Variants in ANK2 observed in about 807,000 individuals in gnomAD.
ANK2 encodes ankyrin 2, also known as ankyrin-2.
Under a neutral mutation model 360.5 loss-of-function variants are expected in ANK2, and 83 were observed. That is an observed-to-expected ratio of 0.23 (90% CI 0.19 to 0.28). The LOEUF is 0.28. Among genes scored for constraint, ANK2 ranks in the 10% least tolerant of loss-of-function variants. The pLI is 1.00. For synonymous variants in ANK2, 1,740 were observed against 1,759.5 expected, an observed-to-expected ratio of 0.99 and a Z score of 0.28; for missense variants, 4,201 against 4,795.7, an observed-to-expected ratio of 0.88 and a Z score of 3.66.
At chr4:112,871,856 T>A (rs972064033) in intron 1 of ANK2, among the ~76,000 whole-genome samples, 2 of 152,190 alleles carry the variant, frequency 1.3e-5, no homozygotes, top group African/African-American at 4.8e-5. Flanking sequence ...GAGATGATTA[T>A]GTAGTTTTTG....
At chr4:112,896,410 G>A (rs2150761930) in intron 1 of ANK2, among the ~76,000 whole-genome samples, 1 of 152,290 alleles carries the variant, frequency 6.6e-6, no homozygotes, top group South Asian at 2.1e-4. Context: ...ATTTAAGCAA[G>A]TAACAATTCT....
intron 1 of ANK2, among the ~76,000 whole-genome samples, chr4:112,888,101 A>G (rs2078927605): frequency 6.6e-6 from 1 of 152,070 alleles, no homozygotes; most frequent in Non-Finnish European, 1.5e-5. Flanking sequence ...GTTTTCCTTT[A>G]CTTGTTAATT....
intron 2 of ANK2, among the ~76,000 whole-genome samples, chr4:112,922,111 C>T (rs1296215232): frequency 6.6e-6 from 1 of 152,154 alleles, no homozygotes; most frequent in African/African-American, 2.4e-5. Flanking sequence ...TAGGTGTGCC[C>T]ACATACACCA....
chr4:112,760,774 C>T, the ANK2 span, among the ~76,000 whole-genome samples: 4 of 151,172 alleles, frequency 2.6e-5, no homozygotes, highest in Non-Finnish European at 5.9e-5. Flanking sequence ...ATCAAAAGTC[C>T]GTTAAGTGGT....
intron 21 of ANK2, 28 bp downstream of exon 21, chr4:113,292,542 A>G: frequency 1.9e-6 from 3 of 1,562,330 alleles, no homozygotes; most frequent in Non-Finnish European, 1.7e-6. Context: ...GCCCCTCACC[A>G]CGCTTTCTTC....
In ANK2 at chr4:113,355,322, G is replaced by C; in HGVS notation, c.6704G>C (p.Gly2235Ala). Residue 2235 changes from glycine to alanine, a missense_variant, in exon 38 of 46, where the codon GGC becomes GCC. By Grantham distance (60) the Gly-to-Ala change is moderately conservative. Around this residue, in one of 4 missense-constraint regions of ANK2, gnomAD observed 2,642 missense variants for 2,714.5 expected, o/e 0.97. Transcript: ENST00000357077. ...ISSEESYKHE[G>A]LAETPETSPE... is the part of the protein sequence containing the mutation. Reference sequence around the variant, plus strand: ...TCAGAAGAAAGCTATAAGCATGAAGGCCTAGCAGAGACCCCTGAGACGAGC... The same window carrying C: ...TCAGAAGAAAGCTATAAGCATGAAGCCCTAGCAGAGACCCCTGAGACGAGC... The C allele has an allele frequency of 1.2e-6, 2 of 1,613,996 alleles. No individual in the cohort carries two copies. The highest frequency in any genetic ancestry group is 1.7e-6 in the Non-Finnish European group (2 of 1,179,974).
chr4:113,212,429 G>C (rs1037925485), intron 4 of ANK2, among the ~76,000 whole-genome samples: 11 of 152,066 alleles, frequency 7.2e-5, no homozygotes, highest in African/African-American at 2.7e-4. Context: ...GTAATAATTG[G>C]AATCCTCTGG....
At chr4:112,836,790 G>T (rs2061081547) in intron 1 of ANK2, among the ~76,000 whole-genome samples, 1 of 152,202 alleles carries the variant, frequency 6.6e-6, no homozygotes, top group Non-Finnish European at 1.5e-5. Context: ...AACCATTCAA[G>T]AGGTGACCTG....
intron 2 of ANK2, among the ~76,000 whole-genome samples, chr4:113,000,720 G>C (rs552185868): frequency 6.6e-6 from 1 of 152,216 alleles, no homozygotes; most frequent in Non-Finnish European, 1.5e-5. Context: ...TGGTGAAAGA[G>C]TAGAGGCCAA....
intron 1 of ANK2, among the ~76,000 whole-genome samples, chr4:112,902,910 G>C (rs1031887189): frequency 6.6e-6 from 1 of 152,194 alleles, no homozygotes; most frequent in Non-Finnish European, 1.5e-5. Context: ...AGGACTGTGG[G>C]CATTGAACAG....
At chr4:113,236,228 T>C (rs2153554163) in intron 5 of ANK2, among the ~76,000 whole-genome samples, 1 of 152,290 alleles carries the variant, frequency 6.6e-6, no homozygotes, top group South Asian at 2.1e-4. Flanking sequence ...TTCTTGTTTC[T>C]AGAAAGAAAA....
At chr4:112,897,531 C>A (rs942865569) in intron 1 of ANK2, among the ~76,000 whole-genome samples, 2 of 150,850 alleles carry the variant, frequency 1.3e-5, no homozygotes, top group African/African-American at 5.0e-5. Context: ...AATTAGTTGG[C>A]CATTAAAATT....
chr4:112,723,986 A>AT, the ANK2 span, among the ~76,000 whole-genome samples: 4 of 152,118 alleles, frequency 2.6e-5, no homozygotes, highest in Non-Finnish European at 1.5e-5. Context: ...TCTGTTAGAC[A>AT]TGCTCTGTAT....
At chr4:113,346,260 C>T (rs776606174) in intron 35 of ANK2, among the ~76,000 whole-genome samples, 16 of 152,170 alleles carry the variant, frequency 1.1e-4, no homozygotes, top group Non-Finnish European at 1.5e-4. Flanking sequence ...ATGTTAAATG[C>T]ACTTTGATGC....
intron 20 of ANK2, among the ~76,000 whole-genome samples, chr4:113,291,101 A>G (rs1385632518): frequency 6.6e-6 from 1 of 152,190 alleles, no homozygotes; most frequent in Admixed American, 6.5e-5. Flanking sequence ...TTATAGTGAT[A>G]TATTATTTTA....
intron 2 of ANK2, among the ~76,000 whole-genome samples, chr4:113,001,356 AAACTTTATGCTTGACAATTAATAAAAAT>A (rs2050608488): frequency 6.6e-6 from 1 of 150,986 alleles, no homozygotes; most frequent in African/African-American, 2.4e-5. Context: ...AAAAAAGGTG[AAACTTTATGCTTGACAATTAATAAAAAT>A]AACTTTATCA....
At chr4:112,799,671 C>G in the ANK2 span, among the ~76,000 whole-genome samples, 15 of 151,910 alleles carry the variant, frequency 9.9e-5, no homozygotes, top group Admixed American at 5.3e-4. Flanking sequence ...CGCACACCAC[C>G]ATTTCTGGCT....
the ANK2 span, among the ~76,000 whole-genome samples, chr4:112,767,631 G>C: frequency 6.6e-6 from 1 of 151,884 alleles, no homozygotes; most frequent in East Asian, 1.9e-4. Context: ...CCCTAGGCCC[G>C]CTAGGCTTTG....
At chr4:113,296,537 T>G (rs934991199) in intron 22 of ANK2, among the ~76,000 whole-genome samples, 1 of 152,286 alleles carries the variant, frequency 6.6e-6, no homozygotes, top group East Asian at 1.9e-4. Context: ...CCCCAAAGTA[T>G]GAATAAAGTC....
Sources: allele counts gnomAD v4.1 joint callset (sites outside exome capture counted in the v4.1 genomes callset), GRCh38; gene constraint gnomAD v4.1.1; regional missense constraint gnomAD v4.1.1; transcripts MANE v1.5; gene names NCBI Gene and HGNC (gene_info 2026-07-23, HGNC 2026-07-21).